The following DBX1 variants were observed in gnomAD, a reference collection of about 807,000 sequenced individuals.
DBX1 encodes the protein developing brain homeobox 1.
DBX1 carries 10 observed loss-of-function variants against 20.8 expected under a neutral mutation model. The ratio of observed to expected loss-of-function variants is 0.48; its 90% confidence interval spans 0.30 to 0.82. The LOEUF (loss-of-function observed/expected upper bound fraction) is 0.82, where lower values mean the gene tolerates loss of function less well. DBX1 is among the 40% of genes least tolerant of loss of function. DBX1 has a pLI of 0.07. For synonymous variants in DBX1, 241 were observed against 213.9 expected, an observed-to-expected ratio of 1.13 and a Z score of -1.11; for missense variants, 505 against 468.8, an observed-to-expected ratio of 1.08 and a Z score of -0.71.
chr11:20,158,843 C>G (rs551431403), intron 2 of DBX1, among the ~76,000 whole-genome samples: 5 of 151,974 alleles, frequency 3.3e-5, no homozygotes, highest in Non-Finnish European at 7.4e-5. Flanking sequence ...GGTGCTGAAA[C>G]CTTTGTGGGG....
In DBX1 at chr11:20,160,076, G is replaced by A; in HGVS notation, c.249C>T (p.Gly83=). The part of the protein sequence containing the change: ...ALTDTGASDL[G]SPGPGSRRGG... ...CCCGTCGGCTGCCGGGACCCGGGGA[G>A]CCCAGGTCCGAGGCCCCCGTGTCGG... The change falls in exon 1 of 4, where the codon GGC becomes GGT. Residue 83 remains glycine (G), a synonymous_variant. Coordinates refer to ENST00000524983, the MANE Select transcript of DBX1 (RefSeq NM_001029865.4). The A allele has an allele frequency of 6.4e-7, 1 of 1,568,744 alleles. No homozygotes were observed. Among genetic ancestry groups the A allele is most frequent in the Non-Finnish European group, 8.6e-7 (1 of 1,156,710 alleles).
At chr11:20,157,005 C>A in intron 3 of DBX1, 32 bp downstream of exon 3, 1 of 1,543,438 alleles carries the variant, frequency 6.5e-7, no homozygotes, top group Non-Finnish European at 8.8e-7. Context: ...AGGGCGGGGG[C>A]GGGGGGGGTG....
At chr11:20,159,811 T>G in intron 1 of DBX1, 147 bp downstream of exon 1, 2 of 1,144,888 alleles carry the variant, frequency 1.7e-6, no homozygotes, top group Non-Finnish European at 2.5e-6. Flanking sequence ...ATTCTCACAT[T>G]GCCTGACGTA....
At position 20,157,172 on chromosome 11, in the gene DBX1, C is replaced by T; in HGVS notation, c.537G>A (p.Arg179=). ...SWPLAARGKP[R]RGMLRRAVFS... ...AGACTGCTCGACGCAGCATGCCCCG[C>T]CGAGGCTTCCCGCGCGCGGCCAGCG... The change falls in exon 3 of 4, where the codon CGG becomes CGA. Residue 179 remains arginine (R), a synonymous_variant. Coordinates refer to ENST00000524983, the MANE Select transcript of DBX1 (RefSeq NM_001029865.4). 1 of 1,607,770 alleles carries T rather than the reference C, an allele frequency of 6.2e-7. No homozygotes were observed. Among genetic ancestry groups the T allele is most frequent in the Non-Finnish European group, 8.5e-7 (1 of 1,177,832 alleles).
At position 20,156,670 on chromosome 11, in the gene DBX1, C is replaced by G. The variant is rs758205533; in HGVS notation, c.673-97G>C. The G allele has an allele frequency of 1.3e-6, 2 of 1,555,950 alleles. No individual in the cohort carries two copies. Among genetic ancestry groups the G allele is most frequent in the South Asian group, 1.1e-5 (1 of 89,196 alleles). On this transcript the variant is annotated intron_variant, in intron 3 of 3. Transcript: ENST00000524983. This position sits in a 1 kb window ranked among gnomAD's most constrained non-coding sequence, Gnocchi z 4.8. The stretch of plus-strand genomic sequence containing the variant: ...GGCGGGGAGTGGAGTCGGGTGCAGG[C>G]TCTGTCCTTCGGGCTGTGTCCTCTC...
Position 20,160,333 on chromosome 11 carries a change from C to T in DBX1, c.-9G>A, listed in dbSNP as rs1232700576. On this transcript the variant is annotated 5_prime_UTR_variant, in exon 1 of 4. Coordinates refer to ENST00000524983, the MANE Select transcript of DBX1 (RefSeq NM_001029865.4). ...AGGCCGGGGAACATCATGGTAGGCGCGGGCGGGCGAAATAACCCTTCTTTC... is the reference window on the plus strand; with the variant it reads ...AGGCCGGGGAACATCATGGTAGGCGTGGGCGGGCGAAATAACCCTTCTTTC... 4.7e-6 allele frequency: 7 copies of T among 1,494,496 alleles called. No individual in the cohort carries two copies. In the Admixed American group the frequency reaches 1.3e-4, roughly 27 times the overall value. 92.6% of individuals were successfully genotyped at this position (1,494,496 alleles called of 1,614,324 possible).
rs1338904696 is a variant in DBX1, at chr11:20,156,747, C to T, written c.673-174G>A. 1.1e-5 allele frequency: 12 copies of T among 1,076,782 alleles called. No homozygotes were observed. The highest frequency in any genetic ancestry group is 3.5e-5 in the Admixed American group (2 of 57,332). 66.7% of individuals were successfully genotyped at this position (1,076,782 alleles called of 1,614,324 possible). A position where few individuals can be genotyped will look rare whatever the true frequency, so the allele number is the denominator to read the frequency against. On this transcript the variant is annotated intron_variant, in intron 3 of 3. Transcript: ENST00000524983. The surrounding 1 kb of genome is among the most constrained non-coding windows in gnomAD (Gnocchi z 4.8). ...GATTCCCGCATTGACTCCGCCCCCGCCTCAGCTCGCGGTTCCGTTTGCCTC... is the reference window on the plus strand; with the variant it reads ...GATTCCCGCATTGACTCCGCCCCCGTCTCAGCTCGCGGTTCCGTTTGCCTC...
Position 20,156,822 on chromosome 11 carries a change from G to C in DBX1, c.672+215C>G. 1.3e-6 allele frequency: 1 copy of C among 757,050 alleles called. No individual in the cohort carries two copies. Among genetic ancestry groups the C allele is most frequent in the South Asian group, 1.7e-5 (1 of 57,786 alleles). 46.9% of individuals were successfully genotyped at this position (757,050 alleles called of 1,614,324 possible). ...GGCGGGGTTGGGGGCCGGTGAGGCC[G>C]GGAGAGAAGGCGGGGAGTCGGGGTG... On this transcript the variant is annotated intron_variant, in intron 3 of 3. Coordinates refer to ENST00000524983, the MANE Select transcript of DBX1 (RefSeq NM_001029865.4). The surrounding 1 kb of genome is among the most constrained non-coding windows in gnomAD (Gnocchi z 4.8).
chr11:20,156,417 C>T lies in DBX1; in HGVS notation c.829G>A (p.Glu277Lys), dbSNP rs2063656650. The part of the protein sequence containing the change: ...DVGQKGPGNE[E>K]EEEGPGSPSH... The stretch of plus-strand genomic sequence containing the variant: ...GGGCTGCCCGGGCCCTCCTCCTCCT[C>T]TTCGTTCCCAGGGCCCTTCTGGCCC... Residue 277 changes from glutamate to lysine, a missense_variant, in exon 4 of 4, where the codon GAG becomes AAG. Coordinates refer to ENST00000524983, the MANE Select transcript of DBX1 (RefSeq NM_001029865.4). This position sits in a 1 kb window ranked among gnomAD's most constrained non-coding sequence, Gnocchi z 4.8. The T allele has an allele frequency of 1.9e-6, 3 of 1,604,422 alleles. No homozygotes were observed. Among genetic ancestry groups the T allele is most frequent in the Non-Finnish European group, 1.7e-6 (2 of 1,175,194 alleles).
chr11:20,159,128 G>C (rs2063675184), intron 2 of DBX1, 63 bp downstream of exon 2: 1 of 1,165,196 alleles, frequency 8.6e-7, no homozygotes, highest in Non-Finnish European at 1.3e-6. Flanking sequence ...TTCGGAGCAG[G>C]GAGCGATGGG....
In DBX1 at chr11:20,160,199, C is replaced by T. The variant is rs2063683118; in HGVS notation, c.126G>A (p.Glu42=). 6.5e-7 allele frequency: 1 copy of T among 1,547,798 alleles called. No individual in the cohort carries two copies. The highest frequency in any genetic ancestry group is 1.4e-5 in the African/African-American group (1 of 72,984). ...GGGGTCGGCTGATGCGGATCAGATC[C>T]TCCACCAGGAAGCTGGAGTGGCCGG... The part of the protein sequence containing the change: ...AFSGHSSFLV[E]DLIRISRPPA... The change falls in exon 1 of 4, where the codon GAG becomes GAA. Residue 42 remains glutamate, a synonymous_variant. Coordinates refer to ENST00000524983, the MANE Select transcript of DBX1 (RefSeq NM_001029865.4).
In DBX1 at chr11:20,156,682, G is replaced by A. The variant is rs774698202; in HGVS notation, c.673-109C>T. ...AGTCGGGTGCAGGCTCTGTCCTTCGGGCTGTGTCCTCTCCCCACCCCCAGA... is the reference window on the plus strand; with the variant it reads ...AGTCGGGTGCAGGCTCTGTCCTTCGAGCTGTGTCCTCTCCCCACCCCCAGA... On this transcript the variant is annotated intron_variant, in intron 3 of 3. Coordinates refer to ENST00000524983, the MANE Select transcript of DBX1 (RefSeq NM_001029865.4). The surrounding 1 kb of genome is among the most constrained non-coding windows in gnomAD (Gnocchi z 4.8). 9.4e-6 allele frequency: 14 copies of A among 1,492,794 alleles called. 1 individual carries two copies. The highest frequency in any genetic ancestry group is 8.3e-5 in the African/African-American group (6 of 72,260). The allele number at this position is 1,492,794 out of a possible 1,614,324, so 92.5% of individuals were successfully genotyped here.
intron 2 of DBX1, among the ~76,000 whole-genome samples, chr11:20,157,561 A>G (rs1436502326): frequency 2.0e-5 from 3 of 152,224 alleles, no homozygotes; most frequent in Non-Finnish European, 4.4e-5. Context: ...AGCAATAGAA[A>G]AAATAAATTA....
chr11:20,159,082 G>C, intron 2 of DBX1, 109 bp downstream of exon 2: 1 of 779,804 alleles, frequency 1.3e-6, no homozygotes, highest in Non-Finnish European at 2.2e-6. Context: ...CTCTGAACCA[G>C]AGCATAACCC....
rs1704386672 is a variant in DBX1, at chr11:20,156,922, T to C, written c.672+115A>G. The C allele has an allele frequency of 1.8e-6, 2 of 1,112,284 alleles. No homozygotes were observed. The highest frequency in any genetic ancestry group is 2.6e-6 in the Non-Finnish European group (2 of 763,154). 68.9% of individuals were successfully genotyped at this position (1,112,284 alleles called of 1,614,324 possible). On this transcript the variant is annotated intron_variant, in intron 3 of 3. Coordinates refer to ENST00000524983, the MANE Select transcript of DBX1 (RefSeq NM_001029865.4). This position sits in a 1 kb window ranked among gnomAD's most constrained non-coding sequence, Gnocchi z 4.8. ...ACTCACTCCCTCTCTAGGCCTCGGTTTTCCCATCTGTACAGTGGGACCTAA... is the reference window on the plus strand; with the variant it reads ...ACTCACTCCCTCTCTAGGCCTCGGTCTTCCCATCTGTACAGTGGGACCTAA...
chr11:20,156,434 T>C lies in DBX1; in HGVS notation c.812A>G (p.Lys271Arg), dbSNP rs202066986. 176 of 1,608,074 alleles carry C rather than the reference T, an allele frequency of 1.1e-4. No individual in the cohort carries two copies. The highest frequency in any genetic ancestry group is 1.1e-4 in the Non-Finnish European group (129 of 1,177,230). ...PHPDLSDVGQKGPGNEEEEEG... is the reference protein window; with the variant it reads ...PHPDLSDVGQRGPGNEEEEEG... ...CTCCTCCTCTTCGTTCCCAGGGCCC[T>C]TCTGGCCCACGTCGCTGAGGTCCGG... The change falls in exon 4 of 4, where the codon AAG becomes AGG. Residue 271 changes from lysine (K) to arginine (R), a missense_variant. Transcript: ENST00000524983. The surrounding 1 kb of genome is among the most constrained non-coding windows in gnomAD (Gnocchi z 4.8).
chr11:20,157,021 G>A lies in DBX1; in HGVS notation c.672+16C>T, dbSNP rs761016177. 19 of 1,612,932 alleles carry A rather than the reference G, an allele frequency of 1.2e-5. No individual in the cohort carries two copies. The highest frequency in any genetic ancestry group is 2.7e-5 in the African/African-American group (2 of 74,890). ...GGGCGGGGGCGGGGGGGGTGCTGTG[G>A]AGGAAATGCGCTCACCTGCGAGTCT... is the stretch of plus-strand genomic sequence containing the variant. On this transcript the variant is annotated intron_variant, in intron 3 of 3. Transcript: ENST00000524983.
chr11:20,160,145 G>A lies in DBX1; in HGVS notation c.180C>T (p.Thr60=), dbSNP rs1353303622. 3.2e-6 allele frequency: 5 copies of A among 1,548,130 alleles called. No individual in the cohort carries two copies. In the East Asian group the frequency reaches 7.3e-5, roughly 23 times the overall value. The change falls in exon 1 of 4, where the codon ACC becomes ACT. Residue 60 remains threonine, a synonymous_variant. Coordinates refer to ENST00000524983, the MANE Select transcript of DBX1 (RefSeq NM_001029865.4). The part of the protein sequence containing the change: ...PPAYLPRSVP[T]ASMSPPRQGA... The stretch of plus-strand genomic sequence containing the variant: ...CCTGCCTGGGCGGCGACATGCTGGC[G>A]GTGGGCACGCTGCGGGGCAGGTAGG...
intron 1 of DBX1, among the ~76,000 whole-genome samples, chr11:20,159,635 A>C (rs2063677935): frequency 1.3e-5 from 2 of 152,232 alleles, no homozygotes; most frequent in South Asian, 4.1e-4. Flanking sequence ...TTTAAAAAAA[A>C]AAACTGTCTC....
Sources: allele counts gnomAD v4.1 joint callset (sites outside exome capture counted in the v4.1 genomes callset), GRCh38; gene constraint gnomAD v4.1.1; non-coding constraint Gnocchi (gnomAD v3.1); transcripts MANE v1.5; gene names NCBI Gene and HGNC (gene_info 2026-07-23, HGNC 2026-07-21).